Variants in NAALADL2 observed in about 807,000 individuals in gnomAD.
NAALADL2 encodes inactive N-acetylated-alpha-linked acidic dipeptidase-like protein 2.
Under a neutral mutation model 87.2 loss-of-function variants are expected in NAALADL2, and 76 were observed. That is an observed-to-expected ratio of 0.87 (90% confidence interval 0.72 to 1.05). The LOEUF (loss-of-function observed/expected upper bound fraction) is 1.05. NAALADL2 is among the 50% of genes least tolerant of loss of function. NAALADL2 has a pLI of 0.00. For synonymous variants in NAALADL2, 354 were observed against 331.0 expected (o/e 1.07, Z -0.75); for missense variants, 1,089 against 945.8 (o/e 1.15, Z -1.99).
chr3:175,318,387 C>T (rs575817500), intron 4 of NAALADL2, among the ~76,000 whole-genome samples: 2 of 151,878 alleles, frequency 1.3e-5, no homozygotes, highest in African/African-American at 4.8e-5. Flanking sequence ...TTTCCTTTGC[C>T]TACACCTTTT....
At chr3:175,625,200 AC>A (rs1349814486) in intron 10 of NAALADL2, among the ~76,000 whole-genome samples, 3 of 151,956 alleles carry the variant, frequency 2.0e-5, no homozygotes, top group African/African-American at 7.2e-5. Flanking sequence ...TCCACATTTG[AC>A]CCTTGGATAG....
At chr3:175,239,989 G>A (rs1179589725) in intron 3 of NAALADL2, among the ~76,000 whole-genome samples, 1 of 151,986 alleles carries the variant, frequency 6.6e-6, no homozygotes, top group Non-Finnish European at 1.5e-5. Flanking sequence ...CAGAACATCA[G>A]AACAATATAT....
At chr3:174,652,727 A>G (rs1298993330) in intron 2 of NAALADL2, among the ~76,000 whole-genome samples, 1 of 152,200 alleles carries the variant, frequency 6.6e-6, no homozygotes, top group African/African-American at 2.4e-5. Context: ...ACATAAAGTG[A>G]AAAAATCCTA....
intron 1 of NAALADL2, among the ~76,000 whole-genome samples, chr3:174,469,817 A>T (rs908614530): frequency 2.0e-5 from 3 of 152,104 alleles, no homozygotes; most frequent in African/African-American, 7.2e-5. Flanking sequence ...ATTCTAAGAC[A>T]TATCAGTTCC....
At chr3:175,081,188 T>C (rs1459921379) in intron 1 of NAALADL2, 1 of 152,204 alleles carries the variant, frequency 6.6e-6, no homozygotes, top group African/African-American at 2.4e-5. Context: ...GAAAATGCAT[T>C]GCTGTCATCA....
Position 174,882,603 on chromosome 3 carries a change from ACATATATGTGCATATG to A in NAALADL2, c.43+23169_43+23184del, listed in dbSNP as rs1187571358. ...TATACACATATGTGTATATACACAT[ACATATATGTGCATATG>A]CATATATGTGCATATACACATATGT... On this transcript the variant is annotated intron_variant, in intron 1 of 13. Transcript: ENST00000454872. Among the ~76,000 whole-genome samples, 61 of 134,930 alleles carry A rather than the reference ACATATATGTGCATATG, an allele frequency of 4.5e-4. No individual in the cohort carries two copies. In the South Asian group the frequency reaches 9.4e-3, roughly 21 times the overall value. The allele number at this position is 134,930 out of a possible 152,430, so 88.5% of individuals were successfully genotyped here. A position where few individuals can be genotyped will look rare whatever the true frequency, so the allele number is the denominator to read the frequency against.
rs184148802 is a variant in NAALADL2, at chr3:174,702,629, T to C, written c.-114-35012T>C. On this transcript the variant is annotated intron_variant, in intron 2 of 3. Transcript: ENST00000434257. ...CCTACTACACAGCTAGGCTATGATA[T>C]AGGCTCTTGCTCTAGGCTGTCAGCC... Among the ~76,000 whole-genome samples, 756 of 152,334 alleles carry C rather than the reference T, an allele frequency of 5.0e-3. 21 individuals are homozygous for C. The highest frequency in any genetic ancestry group is 9.3e-4 in the Non-Finnish European group (63 of 68,020).
chr3:174,810,976 G>T (rs1362822922), intron 3 of NAALADL2, among the ~76,000 whole-genome samples: 1 of 152,158 alleles, frequency 6.6e-6, no homozygotes, highest in Non-Finnish European at 1.5e-5. Context: ...GGTACAGCTT[G>T]GACTGTTTCA....
intron 2 of NAALADL2, among the ~76,000 whole-genome samples, chr3:175,186,052 T>C (rs929363397): frequency 6.6e-6 from 1 of 152,060 alleles, no homozygotes; most frequent in African/African-American, 2.4e-5. Context: ...TCCAACCTAA[T>C]TGCTTAACAG....
rs145525942 is a variant in NAALADL2 at position 174,575,919 on chromosome 3, C to G, written c.-115+25282C>G. 4.0e-3 allele frequency among the ~76,000 whole-genome samples: 613 copies of G among 152,162 alleles called. 6 individuals are homozygous for G. The highest frequency in any genetic ancestry group is 0.014 in the African/African-American group (589 of 41,508). The stretch of plus-strand genomic sequence containing the variant: ...TGCTCTTGTTGCCCAGGCTGGAGTG[C>G]AATGTGCGATCTCGGCTCACAGCAA... On this transcript the variant is annotated intron_variant, in intron 2 of 3. Transcript: ENST00000434257.
chr3:174,767,596 C>T (rs184553115), intron 3 of NAALADL2, among the ~76,000 whole-genome samples: 19 of 152,242 alleles, frequency 1.2e-4, no homozygotes, highest in African/African-American at 2.9e-4. Flanking sequence ...AGCTTACCCA[C>T]GCCAGAAGGA....
intron 2 of NAALADL2, among the ~76,000 whole-genome samples, chr3:175,174,284 C>T (rs1452301625): frequency 1.3e-5 from 2 of 152,112 alleles, no homozygotes; most frequent in African/African-American, 4.8e-5. Flanking sequence ...GTTCTCATTA[C>T]CATATACATT....
intron 1 of NAALADL2, among the ~76,000 whole-genome samples, chr3:174,876,930 G>A (rs923782933): frequency 6.6e-6 from 1 of 152,128 alleles, no homozygotes; most frequent in Non-Finnish European, 1.5e-5. Context: ...TAGATTTGGT[G>A]AGGGCTCTCT....
rs550704787 is a variant in NAALADL2, at chr3:174,730,294, G to A, written c.-114-7347G>A. On this transcript the variant is annotated intron_variant, in intron 2 of 3. Coordinates refer to the NAALADL2 transcript ENST00000434257. ...TTTGTTCTGTGTTATCTGTGTGTCCGTTTATATATTCATTAATTTGTGGTT... is the reference window on the plus strand; with the variant it reads ...TTTGTTCTGTGTTATCTGTGTGTCCATTTATATATTCATTAATTTGTGGTT... 3.9e-5 allele frequency among the ~76,000 whole-genome samples: 6 copies of A among 152,036 alleles called. No individual in the cohort carries two copies. In the East Asian group the frequency reaches 7.7e-4, roughly 20 times the overall value.
intron 11 of NAALADL2, among the ~76,000 whole-genome samples, chr3:175,660,683 G>A (rs1273069358): frequency 6.6e-6 from 1 of 151,862 alleles, no homozygotes; most frequent in Non-Finnish European, 1.5e-5. Flanking sequence ...CCCAGCCTCT[G>A]GTAACCACCA....
At chr3:174,903,979 A>T (rs116059616) in intron 1 of NAALADL2, among the ~76,000 whole-genome samples, 26,200 of 123,250 alleles carry the variant, frequency 0.21, 2,369 homozygotes, top group East Asian at 0.29. Flanking sequence ...CTATATCTAT[A>T]TCTATTTCTA....
At chr3:175,305,724 G>A (rs1401170631) in intron 4 of NAALADL2, among the ~76,000 whole-genome samples, 2 of 152,072 alleles carry the variant, frequency 1.3e-5, no homozygotes, top group South Asian at 4.1e-4. Flanking sequence ...GTTTCTCCAT[G>A]TTGGTCAGGC....
At chr3:174,784,481 G>A (rs910984010) in intron 3 of NAALADL2, among the ~76,000 whole-genome samples, 2 of 152,138 alleles carry the variant, frequency 1.3e-5, no homozygotes, top group Non-Finnish European at 2.9e-5. Flanking sequence ...TATACAATGT[G>A]CCTCAGTAGC....
intron 1 of NAALADL2, among the ~76,000 whole-genome samples, chr3:174,930,859 T>C (rs1161706617): frequency 6.6e-6 from 1 of 151,900 alleles, no homozygotes; most frequent in Non-Finnish European, 1.5e-5. Context: ...TCTGACCTTG[T>C]GATCCGCCCA....
Sources: allele counts gnomAD v4.1 joint callset (sites outside exome capture counted in the v4.1 genomes callset), GRCh38; gene constraint gnomAD v4.1.1; transcripts MANE v1.5; gene names NCBI Gene and HGNC (gene_info 2026-07-23, HGNC 2026-07-21).